The following BRAF variants were observed in gnomAD, a reference collection of about 807,000 sequenced individuals.
The protein encoded by BRAF is B-Raf proto-oncogene, serine/threonine kinase, also known as serine/threonine-protein kinase B-raf.
A neutral mutation model predicts 104.6 loss-of-function variants in BRAF; 16 were observed. That is an observed-to-expected ratio of 0.15 (90% CI 0.10 to 0.23). The LOEUF is 0.23. Ranked by LOEUF, BRAF falls within the 10% of genes least tolerant of loss-of-function variation. The pLI is 1.00. For missense variants in BRAF, 541 were observed against 937.3 expected (o/e 0.58, Z 5.52); for synonymous variants, 310 against 341.6 (o/e 0.91, Z 1.02).
At chr7:140,749,246 A>G (rs1797592218) in intron 17 of BRAF, 41 bp downstream of exon 16, 1 of 1,609,152 alleles carries the variant, frequency 6.2e-7, no homozygotes, top group Non-Finnish European at 8.5e-7. Context: ...AGCCTTGTAT[A>G]TAGACGGTAA....
At chr7:140,765,710 C>T (rs1237396028) in intron 14 of BRAF, among the ~76,000 whole-genome samples, 1 of 152,170 alleles carries the variant, frequency 6.6e-6, no homozygotes, top group Non-Finnish European at 1.5e-5. Flanking sequence ...TGCTCATCAT[C>T]ACTGGCCATC....
intron 1 of BRAF, among the ~76,000 whole-genome samples, chr7:140,921,735 G>A (rs1323095237): frequency 6.6e-6 from 1 of 151,178 alleles, no homozygotes; most frequent in Non-Finnish European, 1.5e-5. Flanking sequence ...TTTTGATAAT[G>A]ACTTGCTTTC....
intron 3 of BRAF, among the ~76,000 whole-genome samples, chr7:140,809,579 G>A (rs1804010365): frequency 6.6e-6 from 1 of 152,174 alleles, no homozygotes; most frequent in African/African-American, 2.4e-5. Context: ...CACTACAGAT[G>A]ACAGAAGCTG....
rs188340031 is a variant in BRAF, at chr7:140,720,137, C to G, written c.*6357G>C. 3.8e-6 allele frequency: 4 copies of G among 1,061,192 alleles called. No homozygotes were observed. In the African/African-American group the frequency reaches 6.6e-5, roughly 17 times the overall value. 65.7% of individuals were successfully genotyped at this position (1,061,192 alleles called of 1,614,324 possible). ...TTGATGAATGATCAAATTCAATCCC[C>G]TGATCAGTTGTATGATCCTATCTTA... On this transcript the variant is annotated 3_prime_UTR_variant, in exon 20 of 20. Coordinates refer to ENST00000644969, the MANE Select transcript of BRAF (RefSeq NM_001374258.1).
At position 140,734,786 on chromosome 7, in the gene BRAF, G is replaced by GAAAA; in HGVS notation, c.2248-20_2248-17dup. ...AGGCGAGAATCTACAAAAAAAAAAA[G>GAAAA]AAAAAAAAAAGAAAAAAAAAGAAAA... On this transcript the variant is annotated splice_polypyrimidine_tract_variant and intron_variant, in intron 18 of 19. Coordinates refer to ENST00000644969, the MANE Select transcript of BRAF (RefSeq NM_001374258.1). 1 of 821,498 alleles carries GAAAA rather than the reference G, an allele frequency of 1.2e-6. No individual in the cohort carries two copies. Among genetic ancestry groups the GAAAA allele is most frequent in the Non-Finnish European group, 1.5e-6 (1 of 662,048 alleles). The allele number at this position is 821,498 out of a possible 1,614,324, so 50.9% of individuals were successfully genotyped here.
intron 3 of BRAF, among the ~76,000 whole-genome samples, chr7:140,831,802 T>C (rs1806788007): frequency 6.6e-6 from 1 of 152,230 alleles, no homozygotes; most frequent in African/African-American, 2.4e-5. Flanking sequence ...AATATTCATA[T>C]TTATATCACC....
At chr7:140,910,519 T>A (rs1285086078) in intron 1 of BRAF, among the ~76,000 whole-genome samples, 1 of 152,168 alleles carries the variant, frequency 6.6e-6, no homozygotes, top group African/African-American at 2.4e-5. Context: ...TATTAATTTA[T>A]GAAGTAGAAC....
intron 3 of BRAF, among the ~76,000 whole-genome samples, chr7:140,818,740 T>C (rs576094795): frequency 6.6e-6 from 1 of 152,236 alleles, no homozygotes; most frequent in Non-Finnish European, 1.5e-5. Flanking sequence ...CAATACTATA[T>C]ACAACTTATT....
At chr7:140,873,598 G>A (rs1335086175) in intron 1 of BRAF, among the ~76,000 whole-genome samples, 1 of 152,140 alleles carries the variant, frequency 6.6e-6, no homozygotes, top group African/African-American at 2.4e-5. Flanking sequence ...GATTTGGAGT[G>A]CTGTGAATTT....
intron 7 of BRAF, among the ~76,000 whole-genome samples, chr7:140,796,440 C>T (rs920697812): frequency 6.6e-6 from 1 of 151,474 alleles, no homozygotes; most frequent in African/African-American, 2.4e-5. Flanking sequence ...CTGGGATAGG[C>T]AGAGATGGCA....
intron 12 of BRAF, among the ~76,000 whole-genome samples, chr7:140,778,473 TA>T (rs1257524676): frequency 6.6e-6 from 1 of 152,122 alleles, no homozygotes; most frequent in Non-Finnish European, 1.5e-5. Flanking sequence ...GAATTTTGCT[TA>T]AAAGTAGGAA....
At chr7:140,824,001 C>T (rs1010623710) in intron 3 of BRAF, 1 of 152,164 alleles carries the variant, frequency 6.6e-6, no homozygotes, top group Non-Finnish European at 1.5e-5. Flanking sequence ...CATTTTTTAA[C>T]AAGGTTGTAT....
chr7:140,856,737 G>T (rs998675526), intron 1 of BRAF, among the ~76,000 whole-genome samples: 4 of 152,088 alleles, frequency 2.6e-5, no homozygotes, highest in Admixed American at 6.5e-5. Flanking sequence ...AGGTAAACAG[G>T]GAATGGGGAG....
At chr7:140,715,373 T>C (rs1014382992), downstream of BRAF, among the ~76,000 whole-genome samples, 12 of 152,206 alleles carry the variant, frequency 7.9e-5, no homozygotes, top group African/African-American at 2.7e-4. Flanking sequence ...GTCTTTACTT[T>C]TAAAACCATC....
At chr7:140,843,730 G>A (rs959774135) in intron 2 of BRAF, among the ~76,000 whole-genome samples, 2 of 152,080 alleles carry the variant, frequency 1.3e-5, no homozygotes, top group South Asian at 2.1e-4. Flanking sequence ...TCTGGGCTGG[G>A]CACAGTGGCT....
rs1404346008 is a variant in BRAF at position 140,721,665 on chromosome 7, T to A, written c.*4829A>T. 1 of 1,534,986 alleles carries A rather than the reference T, an allele frequency of 6.5e-7. No homozygotes were observed. Among genetic ancestry groups the A allele is most frequent in the Non-Finnish European group, 8.7e-7 (1 of 1,146,344 alleles). Reference sequence around the variant, plus strand: ...CCCTCTTCTGGGGCTCAACTACCGATGGGCATCAGTAATCCATCCCAGTAT... The same window carrying A: ...CCCTCTTCTGGGGCTCAACTACCGAAGGGCATCAGTAATCCATCCCAGTAT... On this transcript the variant is annotated 3_prime_UTR_variant, in exon 20 of 20. Transcript: ENST00000644969.
chr7:140,742,963 C>T, intron 17 of BRAF, among the ~76,000 whole-genome samples: 1 of 152,104 alleles, frequency 6.6e-6, no homozygotes, highest in East Asian at 1.9e-4. Flanking sequence ...CCAAAAAACA[C>T]ATGAAAAAAT....
At chr7:140,801,325 C>A in intron 6 of BRAF, 87 bp downstream of exon 6, 1 of 1,477,992 alleles carries the variant, frequency 6.8e-7, no homozygotes. Flanking sequence ...GAAAAACCCT[C>A]ACAGACTTTT....
rs2129153255 is a variant in BRAF, at chr7:140,924,613, C to T, written c.91G>A (p.Ala31Thr). ...GCAGCCGAAGAGGCCGCGGCGCCGG[C>T]GCCGGCGCCGGCCTCGGGCTCCATG... ...GDMEPEAGAGAGAAASSAADP... is the reference protein window; with the variant it reads ...GDMEPEAGAGTGAAASSAADP... Residue 31 changes from alanine (A) to threonine (T), a missense_variant, in exon 1 of 20, where the codon GCC (alanine) becomes ACC (threonine). Physicochemically the swap from Ala to Thr is moderately conservative, Grantham distance 58. Transcript: ENST00000644969. This position sits in a 1 kb window ranked among gnomAD's most constrained non-coding sequence, Gnocchi z 4.2. 1.3e-6 allele frequency: 2 copies of T among 1,526,304 alleles called. No homozygotes were observed. The highest frequency in any genetic ancestry group is 1.8e-6 in the Non-Finnish European group (2 of 1,142,778). 94.5% of individuals were successfully genotyped at this position (1,526,304 alleles called of 1,614,324 possible).
Sources: gnomAD v4.1 joint callset for allele counts (sites outside exome capture counted in the v4.1 genomes callset) on GRCh38, gnomAD v4.1.1 for gene constraint, Gnocchi (gnomAD v3.1) non-coding constraint, MANE v1.5 for transcripts, NCBI Gene and HGNC (gene_info 2026-07-23, HGNC 2026-07-21) for gene names.